Variants in FRK observed in about 807,000 individuals in gnomAD.
The protein encoded by FRK is fyn related Src family tyrosine kinase, also known as tyrosine-protein kinase FRK.
Under a neutral mutation model 56.4 loss-of-function variants are expected in FRK, and 51 were observed. The ratio of observed to expected loss-of-function variants is 0.90; its 90% CI spans 0.72 to 1.14. The LOEUF is 1.14. Among genes scored for constraint, FRK ranks in the 50% most tolerant of loss-of-function variants. The pLI is 0.00. For missense variants in FRK, 570 were observed against 601.4 expected (o/e 0.95, Z 0.55); for synonymous variants, 245 against 217.9 (o/e 1.12, Z -1.10).
At chr6:116,045,701 C>T (rs1398749206) in intron 1 of FRK, among the ~76,000 whole-genome samples, 1 of 151,918 alleles carries the variant, frequency 6.6e-6, no homozygotes, top group Non-Finnish European at 1.5e-5. Context: ...AAAAGAAAAC[C>T]TAGGCAATAT....
At chr6:116,006,282 A>G (rs1028415456) in intron 1 of FRK, among the ~76,000 whole-genome samples, 2 of 152,208 alleles carry the variant, frequency 1.3e-5, no homozygotes, top group Admixed American at 1.3e-4. Context: ...TGACAGGAAC[A>G]CGGCCTCTAC....
chr6:115,986,336 C>T (rs549266086), intron 2 of FRK, among the ~76,000 whole-genome samples: 1 of 152,170 alleles, frequency 6.6e-6, no homozygotes, highest in South Asian at 2.1e-4. Context: ...ATGAAAGGTA[C>T]ATGGAGATTA....
In FRK at chr6:115,937,022, C is replaced by T. The variant is rs574877443; in HGVS notation, c.*5392G>A. On this transcript the variant is annotated 3_prime_UTR_variant, in exon 8 of 8. Transcript: ENST00000606080. ...GCAGAGCAACCCCAAGACATATAAT[C>T]GTCATATTCACCAAGGTTGAAATGA... 2.0e-5 allele frequency: 3 copies of T among 152,166 alleles called. No individual in the cohort carries two copies. Among genetic ancestry groups the T allele is most frequent in the East Asian group, 1.9e-4 (1 of 5,178 alleles). 9.4% of individuals were successfully genotyped at this position (152,166 alleles called of 1,614,324 possible).
chr6:116,002,403 G>A (rs1212593991), intron 2 of FRK, among the ~76,000 whole-genome samples: 1 of 152,166 alleles, frequency 6.6e-6, no homozygotes, highest in Non-Finnish European at 1.5e-5. Context: ...TGGATCACGA[G>A]GCCAGGAGAT....
At chr6:115,988,641 G>A (rs1774475481) in intron 2 of FRK, among the ~76,000 whole-genome samples, 1 of 151,908 alleles carries the variant, frequency 6.6e-6, no homozygotes, top group Admixed American at 6.6e-5. Flanking sequence ...GCCCTCCAGT[G>A]GCCCACAGAT....
In FRK at chr6:116,026,632, T is replaced by TA. The variant is rs1386696474; in HGVS notation, c.345-22635dup. On this transcript the variant is annotated intron_variant, in intron 1 of 7. Transcript: ENST00000606080. Reference sequence around the variant, plus strand: ...CCACCATTAGGTTTTGTTTTTTTTTTAACTGATGATAAAATGTCAGGGATG... The same window carrying TA: ...CCACCATTAGGTTTTGTTTTTTTTTTAAACTGATGATAAAATGTCAGGGATG... Among the ~76,000 whole-genome samples, 4 of 151,754 alleles carry TA rather than the reference T, an allele frequency of 2.6e-5. No individual in the cohort carries two copies. The East Asian group carries it at 7.7e-4, about 29-fold the overall frequency.
intron 1 of FRK, among the ~76,000 whole-genome samples, chr6:116,020,114 T>C (rs1763890050): frequency 1.3e-5 from 2 of 152,102 alleles, no homozygotes; most frequent in South Asian, 4.2e-4. Flanking sequence ...TAAAACCAAA[T>C]TATGATTTAT....
the FRK span, among the ~76,000 whole-genome samples, chr6:116,076,300 A>C: frequency 1.3e-5 from 2 of 152,354 alleles, no homozygotes; most frequent in South Asian, 4.1e-4. Flanking sequence ...TTATGCAAAT[A>C]TAAAATACTA....
At chr6:116,070,729 T>A in the FRK span, among the ~76,000 whole-genome samples, 3 of 152,174 alleles carry the variant, frequency 2.0e-5, no homozygotes, top group African/African-American at 7.2e-5. Context: ...CAACAACAAA[T>A]GCACCGTTTC....
chr6:115,980,399 A>G (rs1774154221), intron 2 of FRK, among the ~76,000 whole-genome samples: 1 of 152,154 alleles, frequency 6.6e-6, no homozygotes. Flanking sequence ...AGAGAATATC[A>G]TACGGAAACA....
At chr6:116,053,094 G>T (rs1384873466) in intron 1 of FRK, among the ~76,000 whole-genome samples, 1 of 152,048 alleles carries the variant, frequency 6.6e-6, no homozygotes. Context: ...ACATTACAGA[G>T]TCAAATTCAA....
chr6:116,079,453 C>A, the FRK span, among the ~76,000 whole-genome samples: 6 of 151,216 alleles, frequency 4.0e-5, no homozygotes, highest in Admixed American at 1.3e-4. Flanking sequence ...ATCAGTTATG[C>A]ATGTTGAAAA....
chr6:115,949,345 C>T (rs1350880855), intron 5 of FRK, among the ~76,000 whole-genome samples: 1 of 152,196 alleles, frequency 6.6e-6, no homozygotes, highest in Non-Finnish European at 1.5e-5. Context: ...TGAGAGAGGG[C>T]ATCCTTGTCT....
Position 115,940,364 on chromosome 6 carries a change from A to T in FRK, c.*2050T>A, listed in dbSNP as rs1313508154. The T allele has an allele frequency of 6.6e-6, 1 of 152,218 alleles. No homozygotes were observed. The highest frequency in any genetic ancestry group is 2.4e-5 in the African/African-American group (1 of 41,446). 9.4% of individuals were successfully genotyped at this position (152,218 alleles called of 1,614,324 possible). A position where few individuals can be genotyped will look rare whatever the true frequency, so the allele number is the denominator to read the frequency against. Reference sequence around the variant, plus strand: ...TAAAGACTTAAATGTAAGACCTAAAACCATAAAAACCCTAGAAGAAAACCT... The same window carrying T: ...TAAAGACTTAAATGTAAGACCTAAATCCATAAAAACCCTAGAAGAAAACCT... On this transcript the variant is annotated 3_prime_UTR_variant, in exon 8 of 8. Transcript: ENST00000606080.
chr6:116,033,797 G>C (rs1776379251), intron 1 of FRK, among the ~76,000 whole-genome samples: 1 of 152,114 alleles, frequency 6.6e-6, no homozygotes. Flanking sequence ...CACTCTGCCT[G>C]CTGGGTTGAG....
At chr6:116,089,504 G>A in the FRK span, among the ~76,000 whole-genome samples, 1 of 152,198 alleles carries the variant, frequency 6.6e-6, no homozygotes, top group Non-Finnish European at 1.5e-5. Context: ...ATTTCTTACA[G>A]TTCTGGAGGC....
intron 2 of FRK, among the ~76,000 whole-genome samples, chr6:115,996,073 T>A (rs980748179): frequency 6.6e-6 from 1 of 152,140 alleles, no homozygotes; most frequent in South Asian, 2.1e-4. Context: ...AAGCAAAACA[T>A]CTTTAACCAA....
intron 2 of FRK, among the ~76,000 whole-genome samples, chr6:115,977,036 C>G (rs554453): frequency 0.72 from 109,830 of 152,056 alleles, 39,979 homozygotes; most frequent in South Asian, 0.89. Context: ...CTGTTTATTT[C>G]GTTTGTTTTT....
At chr6:116,075,875 G>A in the FRK span, among the ~76,000 whole-genome samples, 1 of 152,146 alleles carries the variant, frequency 6.6e-6, no homozygotes, top group African/African-American at 2.4e-5. Context: ...GAAAGATAGA[G>A]GGATGAGATC....
Sources: allele counts gnomAD v4.1 joint callset (sites outside exome capture counted in the v4.1 genomes callset), GRCh38; gene constraint gnomAD v4.1.1; transcripts MANE v1.5; gene names NCBI Gene and HGNC (gene_info 2026-07-23, HGNC 2026-07-21).